The following PRKAR1A variants were observed in gnomAD, a reference collection of about 807,000 sequenced individuals.
PRKAR1A encodes cAMP-dependent protein kinase type I-alpha regulatory subunit.
In PRKAR1A, 3 loss-of-function variants were observed where a neutral mutation model predicts 52.0. The observed-to-expected ratio is 0.06, with a 90% CI of 0.03 to 0.15. PRKAR1A has a LOEUF of 0.15. PRKAR1A is among the 10% of genes least tolerant of loss of function. PRKAR1A has a pLI of 1.00. For synonymous variants in PRKAR1A, 188 were observed against 168.4 expected (o/e 1.12, Z -0.90); for missense variants, 240 against 477.4 (o/e 0.50, Z 4.63).
At chr17:68,475,993 T>C in the PRKAR1A span, among the ~76,000 whole-genome samples, 1 of 152,094 alleles carries the variant, frequency 6.6e-6, no homozygotes, top group East Asian at 1.9e-4. Context: ...GTTATTATGT[T>C]TTGTTGATGC....
At chr17:68,436,289 A>G in the PRKAR1A span, 7 of 1,152,572 alleles carry the variant, frequency 6.1e-6, no homozygotes, top group African/African-American at 9.1e-5. Flanking sequence ...CACCGCCTCC[A>G]GCCCCCGACG....
chr17:68,531,713 CTTTTCTTTT>C lies in PRKAR1A; in HGVS notation c.*1267_*1275del. ...TTATTTCTCTGGCAAACTTTTCTTT[CTTTTCTTTT>C]TTAAAGTAAACTTGTGTATTGAGTC... On this transcript the variant is annotated 3_prime_UTR_variant, in exon 11 of 11. Coordinates refer to ENST00000589228, the MANE Select transcript of PRKAR1A (RefSeq NM_002734.5). The C allele has an allele frequency of 9.4e-7, 1 of 1,062,464 alleles. No individual in the cohort carries two copies. The highest frequency in any genetic ancestry group is 1.1e-6 in the Non-Finnish European group (1 of 876,250). The allele number at this position is 1,062,464 out of a possible 1,614,324, so 65.8% of individuals were successfully genotyped here.
Position 68,530,020 on chromosome 17 carries a change from A to T in PRKAR1A, c.973+19A>T. 1 of 1,604,306 alleles carries T rather than the reference A, an allele frequency of 6.2e-7. No individual in the cohort carries two copies. Among genetic ancestry groups the T allele is most frequent in the African/African-American group, 1.3e-5 (1 of 74,794 alleles). ...TATTTTGGTATGTATGAATTCCCTC[A>T]CAATAAATACATGGTTTCTTTAAGT... On this transcript the variant is annotated intron_variant, in intron 10 of 10. Transcript: ENST00000589228.
the PRKAR1A span, among the ~76,000 whole-genome samples, chr17:68,437,010 A>ATGTGTTTG: frequency 1.3e-5 from 1 of 77,910 alleles, no homozygotes; most frequent in Non-Finnish European, 2.7e-5. Context: ...AAAAAAATAT[A>ATGTGTTTG]TATATATGTG....
upstream of PRKAR1A, among the ~76,000 whole-genome samples, chr17:68,511,534 G>C (rs1258372090): frequency 1.3e-5 from 2 of 152,234 alleles, no homozygotes; most frequent in African/African-American, 2.4e-5. Flanking sequence ...CCCTCTGTGA[G>C]GTCAGGAGTG....
the PRKAR1A span, among the ~76,000 whole-genome samples, chr17:68,444,223 A>G: frequency 2.0e-4 from 31 of 152,320 alleles, no homozygotes; most frequent in African/African-American, 7.5e-4. Context: ...TGTCTACCTT[A>G]CGTGCCTTGA....
At chr17:68,528,669 A>C (rs1568701104) in intron 8 of PRKAR1A, 1 of 639,114 alleles carries the variant, frequency 1.6e-6, no homozygotes. Flanking sequence ...TACCGAAGTA[A>C]GGATCTAAGG....
chr17:68,518,756 G>A (rs938878200), intron 2 of PRKAR1A, among the ~76,000 whole-genome samples: 1 of 152,240 alleles, frequency 6.6e-6, no homozygotes, highest in Non-Finnish European at 1.5e-5. Flanking sequence ...TTCTGCGGCA[G>A]GCTTGAATTT....
At chr17:68,517,791 C>G (rs929329019) in intron 2 of PRKAR1A, among the ~76,000 whole-genome samples, 11 of 152,212 alleles carry the variant, frequency 7.2e-5, no homozygotes, top group African/African-American at 2.7e-4. Flanking sequence ...AGAGTCTTAA[C>G]TCATTCCAGC....
chr17:68,453,636 G>A, the PRKAR1A span, among the ~76,000 whole-genome samples: 1 of 151,780 alleles, frequency 6.6e-6, no homozygotes, highest in African/African-American at 2.4e-5. Context: ...GCACCACCAC[G>A]CCAGGCTAAT....
the PRKAR1A span, among the ~76,000 whole-genome samples, chr17:68,463,102 G>A: frequency 1.3e-5 from 2 of 152,134 alleles, no homozygotes; most frequent in African/African-American, 2.4e-5. Flanking sequence ...TGGATTCAAA[G>A]GCTTTGGGCT....
At chr17:68,457,308 C>A in the PRKAR1A span, 2 of 1,538,812 alleles carry the variant, frequency 1.3e-6, no homozygotes, top group East Asian at 2.6e-5. Flanking sequence ...ACTCTGTCCC[C>A]CACCTCCCTG....
At chr17:68,449,160 G>A in the PRKAR1A span, among the ~76,000 whole-genome samples, 3,134 of 152,302 alleles carry the variant, frequency 0.021, 107 homozygotes, top group African/African-American at 0.07. Flanking sequence ...TGCAGCAACC[G>A]CTCTGGGAAT....
intron 2 of PRKAR1A, 196 bp downstream of exon 2, chr17:68,515,772 A>T: frequency 1.4e-6 from 1 of 697,760 alleles, no homozygotes; most frequent in Non-Finnish European, 2.3e-6. Context: ...TTTATCAGAA[A>T]AATGAACCTG....
At position 68,530,900 on chromosome 17, in the gene PRKAR1A, A is replaced by G. The variant is rs1439965862; in HGVS notation, c.*451A>G. 8.9e-7 allele frequency: 1 copy of G among 1,121,592 alleles called. No individual in the cohort carries two copies. The highest frequency in any genetic ancestry group is 1.6e-5 in the African/African-American group (1 of 63,140). 69.5% of individuals were successfully genotyped at this position (1,121,592 alleles called of 1,614,324 possible). A position where few individuals can be genotyped will look rare whatever the true frequency, so the allele number is the denominator to read the frequency against. On this transcript the variant is annotated 3_prime_UTR_variant, in exon 11 of 11. Coordinates refer to ENST00000589228, the MANE Select transcript of PRKAR1A (RefSeq NM_002734.5). ...ATAAATGGTTTCTCATTAAACTCTA[A>G]AGATTAGGGAAAATGGATATAGAAA... is the stretch of plus-strand genomic sequence containing the variant.
At chr17:68,505,794 T>C in the PRKAR1A span, among the ~76,000 whole-genome samples, 2 of 152,344 alleles carry the variant, frequency 1.3e-5, no homozygotes, top group African/African-American at 4.8e-5. Context: ...CACTCCAGCC[T>C]GGGTAACAGA....
chr17:68,473,797 A>G, the PRKAR1A span, among the ~76,000 whole-genome samples: 2 of 152,204 alleles, frequency 1.3e-5, no homozygotes, highest in Non-Finnish European at 2.9e-5. Flanking sequence ...CTGGGATTAC[A>G]GGCGTGAACC....
Position 68,523,831 on chromosome 17 carries a change from T to C in PRKAR1A, c.440+15T>C, listed in dbSNP as rs78183210. The C allele has an allele frequency of 9.4e-4, 1,520 of 1,610,440 alleles. 17 individuals carry two copies. In the African/African-American group the frequency reaches 0.016, roughly 17 times the overall value. ...AATGAGAGAAGGTAGGAACAGGCTCTTTCTTAACACTATTTTTCAAGTAAG... is the reference window on the plus strand; with the variant it reads ...AATGAGAGAAGGTAGGAACAGGCTCCTTCTTAACACTATTTTTCAAGTAAG... On this transcript the variant is annotated intron_variant, in intron 4 of 10. Coordinates refer to ENST00000589228, the MANE Select transcript of PRKAR1A (RefSeq NM_002734.5).
chr17:68,486,506 C>CTTCCTTCCTTCCCTCT, the PRKAR1A span, among the ~76,000 whole-genome samples: 52 of 48,258 alleles, frequency 1.1e-3, 2 homozygotes, highest in Middle Eastern at 0.011. Flanking sequence ...TCCTTCCTTC[C>CTTCCTTCCTTCCCTCT]TTCTTTCTTT....
Sources: gnomAD v4.1 joint callset for allele counts (sites outside exome capture counted in the v4.1 genomes callset) on GRCh38, gnomAD v4.1.1 for gene constraint, MANE v1.5 for transcripts, NCBI Gene and HGNC (gene_info 2026-07-23, HGNC 2026-07-21) for gene names.